CTNNA3: variants seen among roughly 807,000 people sequenced by gnomAD.
The protein encoded by CTNNA3 is catenin alpha-3.
CTNNA3 carries 76 observed loss-of-function variants against 95.7 expected under a neutral mutation model. That is an observed-to-expected ratio of 0.79 (90% CI 0.66 to 0.96). CTNNA3 has a LOEUF of 0.96. CTNNA3 is among the 40% of genes least tolerant of loss of function. CTNNA3 has a pLI of 0.00. For missense variants in CTNNA3, 1,191 were observed against 1,089.8 expected (o/e 1.09, Z -1.31); for synonymous variants, 431 against 374.4 (o/e 1.15, Z -1.74).
chr10:67,253,493 G>T (rs1866194157), intron 5 of CTNNA3, among the ~76,000 whole-genome samples: 1 of 152,164 alleles, frequency 6.6e-6, no homozygotes, highest in African/African-American at 2.4e-5. Context: ...GCTACAAGGG[G>T]TTAATCTATA....
At chr10:66,692,671 A>G (rs1161014452) in intron 9 of CTNNA3, among the ~76,000 whole-genome samples, 2 of 152,154 alleles carry the variant, frequency 1.3e-5, no homozygotes, top group East Asian at 3.9e-4. Flanking sequence ...CAGATTCACC[A>G]AAGTTGAAAT....
chr10:65,934,578 T>C (rs1239434184), intron 17 of CTNNA3, among the ~76,000 whole-genome samples: 1 of 152,186 alleles, frequency 6.6e-6, no homozygotes, highest in Non-Finnish European at 1.5e-5. Context: ...TATTTTGATC[T>C]TTAAAATCCA....
At chr10:66,604,650 T>C (rs890331998) in intron 10 of CTNNA3, among the ~76,000 whole-genome samples, 1 of 151,844 alleles carries the variant, frequency 6.6e-6, no homozygotes, top group Non-Finnish European at 1.5e-5. Flanking sequence ...ACCATACTAC[T>C]CCCCCAGAGT....
intron 11 of CTNNA3, among the ~76,000 whole-genome samples, chr10:66,519,744 T>C (rs1172942879): frequency 6.6e-6 from 1 of 152,116 alleles, no homozygotes; most frequent in African/African-American, 2.4e-5. Context: ...GTCTCATGTC[T>C]CCCTAAAATG....
intron 11 of CTNNA3, among the ~76,000 whole-genome samples, chr10:66,380,936 T>C (rs1257512790): frequency 6.6e-6 from 1 of 150,984 alleles, no homozygotes; most frequent in Non-Finnish European, 1.5e-5. Context: ...AGACTTAGAC[T>C]CCCACACAAT....
intron 9 of CTNNA3, among the ~76,000 whole-genome samples, chr10:66,650,746 C>T (rs921315509): frequency 1.3e-5 from 2 of 151,762 alleles, no homozygotes; most frequent in African/African-American, 4.8e-5. Context: ...TGGAGTTGTT[C>T]CTTCCTCCCG....
At chr10:67,421,474 A>G (rs180869436) in intron 5 of CTNNA3, among the ~76,000 whole-genome samples, 3 of 152,284 alleles carry the variant, frequency 2.0e-5, no homozygotes, top group African/African-American at 7.2e-5. Context: ...AACATGTCTC[A>G]GGTAGAATAA....
chr10:67,217,225 C>T (rs896818714), intron 6 of CTNNA3, among the ~76,000 whole-genome samples: 1 of 152,128 alleles, frequency 6.6e-6, no homozygotes, highest in African/African-American at 2.4e-5. Context: ...TATTTTGGAT[C>T]CTTTACCAAT....
At chr10:66,938,377 AAG>A (rs1315923237) in intron 7 of CTNNA3, among the ~76,000 whole-genome samples, 2 of 152,162 alleles carry the variant, frequency 1.3e-5, no homozygotes, top group African/African-American at 2.4e-5. Context: ...TGATAATATA[AAG>A]AGTCAACCCA....
At chr10:67,698,578 C>T (rs1297138659), upstream of CTNNA3, among the ~76,000 whole-genome samples, 3 of 152,122 alleles carry the variant, frequency 2.0e-5, no homozygotes, top group Admixed American at 2.0e-4. Flanking sequence ...ATGAAAATCA[C>T]TTTTGCATGA....
chr10:66,701,086 T>C (rs1847927640), intron 9 of CTNNA3, among the ~76,000 whole-genome samples: 1 of 152,192 alleles, frequency 6.6e-6, no homozygotes, highest in Non-Finnish European at 1.5e-5. Context: ...TTTATATTAA[T>C]AACCAGTTGT....
At chr10:66,281,121 T>C (rs2091484229) in intron 12 of CTNNA3, among the ~76,000 whole-genome samples, 1 of 151,808 alleles carries the variant, frequency 6.6e-6, no homozygotes, top group Non-Finnish European at 1.5e-5. Flanking sequence ...AATAAAAATA[T>C]TGTAAACTTC....
At chr10:66,962,915 A>G (rs947465752) in intron 7 of CTNNA3, among the ~76,000 whole-genome samples, 1 of 152,112 alleles carries the variant, frequency 6.6e-6, no homozygotes, top group Non-Finnish European at 1.5e-5. Flanking sequence ...TTTGCCTGGT[A>G]TGTTCACAGA....
chr10:66,981,085 A>G (rs1310681893), intron 7 of CTNNA3, among the ~76,000 whole-genome samples: 2 of 151,836 alleles, frequency 1.3e-5, no homozygotes, highest in Non-Finnish European at 2.9e-5. Flanking sequence ...TTGTATTTTT[A>G]CTAGAGAGGG....
intron 12 of CTNNA3, among the ~76,000 whole-genome samples, chr10:66,300,259 C>A (rs1043756307): frequency 1.3e-5 from 2 of 151,966 alleles, no homozygotes; most frequent in African/African-American, 4.8e-5. Context: ...CTGATGAATG[C>A]TAAAATTACT....
At chr10:67,626,200 G>GTTTGAATTACTTAT (rs1290665947) in intron 2 of CTNNA3, among the ~76,000 whole-genome samples, 1 of 150,236 alleles carries the variant, frequency 6.7e-6, no homozygotes, top group African/African-American at 2.5e-5. Flanking sequence ...AAAAAAAGAA[G>GTTTGAATTACTTAT]TTTGAATTAC....
At chr10:66,108,628 G>T (rs760785097) in intron 13 of CTNNA3, among the ~76,000 whole-genome samples, 5 of 151,686 alleles carry the variant, frequency 3.3e-5, no homozygotes, top group Non-Finnish European at 7.4e-5. Flanking sequence ...TGGCAGGTGG[G>T]TTACATTTTT....
At chr10:66,484,901 C>T (rs1166480061) in intron 11 of CTNNA3, among the ~76,000 whole-genome samples, 2 of 151,988 alleles carry the variant, frequency 1.3e-5, no homozygotes, top group Admixed American at 6.6e-5. Context: ...TGGGGTTTAT[C>T]CCTGGGATGC....
At chr10:66,678,962 CT>C (rs978313129) in intron 9 of CTNNA3, among the ~76,000 whole-genome samples, 14 of 152,102 alleles carry the variant, frequency 9.2e-5, no homozygotes, top group African/African-American at 3.1e-4. Context: ...GGTCATGAAG[CT>C]TCTTGTATAT....
Sources: gnomAD v4.1 joint callset for allele counts (sites outside exome capture counted in the v4.1 genomes callset) on GRCh38, gnomAD v4.1.1 for gene constraint, MANE v1.5 for transcripts, NCBI Gene and HGNC (gene_info 2026-07-23, HGNC 2026-07-21) for gene names.